The following UBE2H variants were observed in gnomAD, a reference collection of about 807,000 sequenced individuals.
The protein encoded by UBE2H is ubiquitin-conjugating enzyme E2 H.
UBE2H carries 3 observed loss-of-function variants against 29.0 expected under a neutral mutation model. The observed-to-expected ratio is 0.10, with a 90% CI of 0.05 to 0.27. UBE2H has a LOEUF of 0.27. UBE2H is among the 10% of genes least tolerant of loss of function. The probability of loss-of-function intolerance (pLI) is 1.00; values close to 1 mark genes in which losing one functional copy is unlikely to be tolerated. For missense variants in UBE2H, 68 were observed against 228.2 expected, an observed-to-expected ratio of 0.30 and a Z score of 4.52; for synonymous variants, 69 against 82.9, an observed-to-expected ratio of 0.83 and a Z score of 0.91.
intron 4 of UBE2H, 144 bp from the exon 5 acceptor site, chr7:129,857,707 G>C (rs1805730763): frequency 1.2e-6 from 1 of 851,972 alleles, no homozygotes; most frequent in South Asian, 1.8e-5. Flanking sequence ...AGTATGATGA[G>C]GAACAGAATA....
chr7:129,874,739 C>T (rs570102166), intron 3 of UBE2H, among the ~76,000 whole-genome samples: 2 of 151,100 alleles, frequency 1.3e-5, no homozygotes, highest in East Asian at 1.9e-4. Flanking sequence ...AATGCAACAA[C>T]GGAAGGGGGA....
intron 5 of UBE2H, among the ~76,000 whole-genome samples, chr7:129,852,073 C>T (rs1338412544): frequency 2.6e-5 from 4 of 152,186 alleles, no homozygotes; most frequent in African/African-American, 9.7e-5. Flanking sequence ...CAGATCAATA[C>T]TGAAGTTCTC....
intron 1 of UBE2H, among the ~76,000 whole-genome samples, chr7:129,925,792 C>G (rs909583039): frequency 6.6e-6 from 1 of 152,136 alleles, no homozygotes; most frequent in Admixed American, 6.6e-5. Flanking sequence ...ATGGCAGAAG[C>G]GATGCCTTTA....
chr7:129,861,804 T>C (rs1805808534), intron 3 of UBE2H, among the ~76,000 whole-genome samples: 1 of 151,992 alleles, frequency 6.6e-6, no homozygotes, highest in African/African-American at 2.4e-5. Flanking sequence ...GGCAGGAGAA[T>C]TGCTTGAACC....
intron 1 of UBE2H, among the ~76,000 whole-genome samples, chr7:129,945,789 G>A (rs1286806395): frequency 6.6e-6 from 1 of 151,742 alleles, no homozygotes; most frequent in Non-Finnish European, 1.5e-5. Flanking sequence ...TGCCTAGGCT[G>A]GAGTGCAATG....
chr7:129,927,227 A>C (rs946488496), intron 1 of UBE2H, among the ~76,000 whole-genome samples: 1 of 152,250 alleles, frequency 6.6e-6, no homozygotes. Context: ...TTTTTTAAGA[A>C]ACCTATTAGA....
intron 3 of UBE2H, among the ~76,000 whole-genome samples, chr7:129,874,908 GA>G (rs1806116669): frequency 6.6e-6 from 1 of 152,056 alleles, no homozygotes; most frequent in Non-Finnish European, 1.5e-5. Context: ...ACAAAGGAAG[GA>G]AAACAGTGTG....
chr7:129,839,266 T>C lies in UBE2H; in HGVS notation c.368A>G (p.Asn123Ser), dbSNP rs766871307. The C allele has an allele frequency of 6.2e-7, 1 of 1,614,028 alleles. No individual in the cohort carries two copies. Among genetic ancestry groups the C allele is most frequent in the Non-Finnish European group, 8.5e-7 (1 of 1,179,980 alleles). Residue 123 changes from asparagine to serine, a missense_variant, in exon 6 of 7, where the codon AAT becomes AGT. Coordinates refer to ENST00000355621, the MANE Select transcript of UBE2H (RefSeq NM_003344.4). ...LAYPNPIDPL[N>S]GDAAAMYLHR... ...GAGGTACATGGCTGCAGCGTCACCA[T>C]TGAGAGGATCTATGGGGTTAGGATA...
At chr7:129,893,677 C>A (rs188556576) in intron 1 of UBE2H, among the ~76,000 whole-genome samples, 48 of 152,266 alleles carry the variant, frequency 3.2e-4, no homozygotes, top group African/African-American at 1.2e-3. Context: ...AGAAGGCTAT[C>A]GATGAAATAT....
chr7:129,862,896 T>C (rs187718548), intron 3 of UBE2H, among the ~76,000 whole-genome samples: 1 of 152,132 alleles, frequency 6.6e-6, no homozygotes, highest in East Asian at 1.9e-4. Context: ...AATAGGCTAG[T>C]TGGGGAACAG....
At chr7:129,933,184 G>A (rs928385870) in intron 1 of UBE2H, among the ~76,000 whole-genome samples, 1 of 152,162 alleles carries the variant, frequency 6.6e-6, no homozygotes, top group Admixed American at 6.6e-5. Context: ...TGGAAGGTGT[G>A]AGCTGCTGAA....
chr7:129,907,188 T>C (rs1439212983), intron 1 of UBE2H, among the ~76,000 whole-genome samples: 1 of 152,082 alleles, frequency 6.6e-6, no homozygotes, highest in African/African-American at 2.4e-5. Flanking sequence ...TCCTACCCCA[T>C]CATAGTTTAC....
chr7:129,866,920 G>C (rs1408589010), intron 3 of UBE2H, among the ~76,000 whole-genome samples: 1 of 152,152 alleles, frequency 6.6e-6, no homozygotes, highest in Non-Finnish European at 1.5e-5. Context: ...TAAAGCATTT[G>C]AACAGTAACT....
chr7:129,922,865 G>A (rs1313594800), intron 1 of UBE2H, among the ~76,000 whole-genome samples: 1 of 151,900 alleles, frequency 6.6e-6, no homozygotes, highest in African/African-American at 2.4e-5. Flanking sequence ...GGGACTACAA[G>A]TGCACACACA....
At position 129,849,418 on chromosome 7, in the gene UBE2H, A is replaced by G. The variant is rs149763995; in HGVS notation, c.298+8093T>C. On this transcript the variant is annotated intron_variant, in intron 5 of 6. Transcript: ENST00000355621. ...CATGGTGAAATCCTGTCTCTACTAA[A>G]TATACAAAAATTAGTCGGGTTTGGT... 8.3e-3 allele frequency among the ~76,000 whole-genome samples: 1,268 copies of G among 152,186 alleles called. 10 individuals are homozygous for G. Among genetic ancestry groups the G allele is most frequent in the Non-Finnish European group, 0.014 (919 of 68,014 alleles).
rs1805278037 is a variant in UBE2H, at chr7:129,834,029, A to C, written c.*908T>G. ...CACACACACACACACCAAAAAAATA[A>C]CCCCCCCAGAAACACAACCCTCATA... On this transcript the variant is annotated 3_prime_UTR_variant, in exon 7 of 7. Coordinates refer to ENST00000355621, the MANE Select transcript of UBE2H (RefSeq NM_003344.4). 3 of 151,478 alleles carry C rather than the reference A, an allele frequency of 2.0e-5. No individual in the cohort carries two copies. The highest frequency in any genetic ancestry group is 2.9e-5 in the Non-Finnish European group (2 of 67,970). The allele number at this position is 151,478 out of a possible 1,614,324, so 9.4% of individuals were successfully genotyped here. A position where few individuals can be genotyped will look rare whatever the true frequency, so the allele number is the denominator to read the frequency against.
chr7:129,939,432 T>C (rs748384390), intron 1 of UBE2H, among the ~76,000 whole-genome samples: 1 of 152,214 alleles, frequency 6.6e-6, no homozygotes, highest in Non-Finnish European at 1.5e-5. Context: ...AATCACTAAT[T>C]TATTTACAGG....
At chr7:129,836,049 T>C (rs1805319090) in intron 6 of UBE2H, among the ~76,000 whole-genome samples, 1 of 152,196 alleles carries the variant, frequency 6.6e-6, no homozygotes, top group Admixed American at 6.5e-5. Context: ...ATGTGGTCCT[T>C]TACAGAAAAG....
At chr7:129,871,869 G>A (rs1398486234) in intron 3 of UBE2H, among the ~76,000 whole-genome samples, 5 of 152,132 alleles carry the variant, frequency 3.3e-5, no homozygotes, top group East Asian at 1.9e-4. Flanking sequence ...TATTTGAGAC[G>A]GAGTCTCACT....
Sources: allele counts gnomAD v4.1 joint callset (sites outside exome capture counted in the v4.1 genomes callset), GRCh38; gene constraint gnomAD v4.1.1; transcripts MANE v1.5; gene names NCBI Gene and HGNC (gene_info 2026-07-23, HGNC 2026-07-21).